IARS2: variants seen among roughly 807,000 people sequenced by gnomAD.
The protein encoded by IARS2 is isoleucyl-tRNA synthetase 2, mitochondrial.
A neutral mutation model predicts 126.3 loss-of-function variants in IARS2; 56 were observed. The ratio of observed to expected loss-of-function variants is 0.44; its 90% CI spans 0.36 to 0.55. The LOEUF is 0.55. Among genes scored for constraint, IARS2 ranks in the 20% least tolerant of loss-of-function variants. The probability of loss-of-function intolerance (pLI) is 0.00; values close to 1 mark genes in which losing one functional copy is unlikely to be tolerated. For missense variants in IARS2, 1,127 were observed against 1,245.9 expected (o/e 0.90, Z 1.44); for synonymous variants, 407 against 441.1 (o/e 0.92, Z 0.97).
intron 21 of IARS2, among the ~76,000 whole-genome samples, chr1:220,143,673 C>T (rs891002484): frequency 1.3e-5 from 2 of 152,118 alleles, no homozygotes; most frequent in Non-Finnish European, 2.9e-5. Flanking sequence ...AGATTCAAAA[C>T]AAACCCAAAA....
At chr1:220,122,890 T>G (rs989944393) in intron 12 of IARS2, among the ~76,000 whole-genome samples, 2 of 152,102 alleles carry the variant, frequency 1.3e-5, no homozygotes, top group African/African-American at 4.8e-5. Flanking sequence ...TTTTACTGTT[T>G]TATTTTACTC....
chr1:220,133,788 A>G (rs1437196531), intron 14 of IARS2, among the ~76,000 whole-genome samples: 1 of 152,172 alleles, frequency 6.6e-6, no homozygotes, highest in Non-Finnish European at 1.5e-5. Flanking sequence ...ATATATGTAG[A>G]GGAAAAGATG....
chr1:220,102,545 G>A lies in IARS2; in HGVS notation c.800G>A (p.Arg267His), dbSNP rs377432411. ...ELEYNPEHVS[R>H]SIYVKFPLLK... ...GAATATAATCCTGAGCATGTCAGTC[G>A]TTCAATATATGTAAAATTTCCTCTC... is the stretch of plus-strand genomic sequence containing the variant. Residue 267 changes from arginine to histidine, a missense_variant, in exon 6 of 23, where the codon CGT becomes CAT. Arg to His is a conservative substitution (Grantham distance 29, BLOSUM62 0). Transcript: ENST00000366922. 6.3e-5 allele frequency: 102 copies of A among 1,613,802 alleles called. No homozygotes were observed. The Admixed American group carries it at 1.1e-3, about 17-fold the overall frequency.
chr1:220,096,924 T>C (rs1375293346), intron 2 of IARS2, among the ~76,000 whole-genome samples: 13 of 151,942 alleles, frequency 8.6e-5, no homozygotes, highest in Admixed American at 8.5e-4. Context: ...CGGGAGCCTA[T>C]AGTCCCAGCT....
chr1:220,097,664 C>G (rs978159251), intron 2 of IARS2, among the ~76,000 whole-genome samples: 1 of 151,820 alleles, frequency 6.6e-6, no homozygotes, highest in African/African-American at 2.4e-5. Context: ...CGTCTGGCCC[C>G]CAATAATTCT....
chr1:220,113,908 A>T (rs1656862629), intron 11 of IARS2, among the ~76,000 whole-genome samples: 1 of 152,184 alleles, frequency 6.6e-6, no homozygotes, highest in Non-Finnish European at 1.5e-5. Flanking sequence ...TTTATTTTTT[A>T]AGCATTTTAA....
chr1:220,111,791 T>C lies in IARS2; in HGVS notation c.1479+854T>C, dbSNP rs569696575. ...TTGGGGTCCTTGCCAAAGCTTTTTA[T>C]AGCAGTTTATACTTTCTATACTTGT... On this transcript the variant is annotated intron_variant, in intron 11 of 22. Coordinates refer to ENST00000366922, the MANE Select transcript of IARS2 (RefSeq NM_018060.4). 2.6e-5 allele frequency among the ~76,000 whole-genome samples: 4 copies of C among 152,250 alleles called. No individual in the cohort carries two copies. In the South Asian group the frequency reaches 8.3e-4, roughly 32 times the overall value.
At chr1:220,133,402 C>T (rs1420112359) in intron 14 of IARS2, among the ~76,000 whole-genome samples, 1 of 152,160 alleles carries the variant, frequency 6.6e-6, no homozygotes, top group Non-Finnish European at 1.5e-5. Flanking sequence ...TAACACAATG[C>T]CTGCTATATA....
intron 10 of IARS2, among the ~76,000 whole-genome samples, chr1:220,108,719 A>G (rs1018480009): frequency 1.3e-5 from 2 of 151,598 alleles, no homozygotes; most frequent in African/African-American, 2.4e-5. Flanking sequence ...GGGTTTCACC[A>G]TGTTGGCCAG....
At position 220,094,465 on chromosome 1, in the gene IARS2, G is replaced by A. The variant is rs757189446; in HGVS notation, c.249G>A (p.Thr83=). The A allele has an allele frequency of 4.4e-6, 7 of 1,608,688 alleles. No individual in the cohort carries two copies. Among genetic ancestry groups the A allele is most frequent in the African/African-American group, 1.3e-5 (1 of 74,862 alleles). Residue 83 remains threonine, a synonymous_variant, in exon 1 of 23, where the codon ACG becomes ACA. Transcript: ENST00000366922. The part of the protein sequence containing the change: ...MKLLGRQQPD[T]ELEIQQKCGF... ...TGCTGGGCCGCCAGCAGCCGGACAC[G>A]GAGCTGGAGATCCAGCAGGTACGGG...
At chr1:220,134,609 T>A in intron 15 of IARS2, 99 bp downstream of exon 15, 1 of 609,936 alleles carries the variant, frequency 1.6e-6, no homozygotes, top group Non-Finnish European at 2.7e-6. Context: ...TCTTGATTGC[T>A]TACAGTGTCC....
chr1:220,145,133 A>G (rs555676371), intron 21 of IARS2, among the ~76,000 whole-genome samples: 1 of 151,056 alleles, frequency 6.6e-6, no homozygotes, highest in Admixed American at 6.6e-5. Flanking sequence ...CTTGACCTGC[A>G]GTTCCACCAC....
chr1:220,102,063 G>C (rs371117062), intron 3 of IARS2, 66 bp from the exon 4 acceptor site: 20 of 1,458,110 alleles, frequency 1.4e-5, no homozygotes, highest in African/African-American at 8.5e-5. Context: ...AGAGATACAT[G>C]CTAAACCATG....
intron 11 of IARS2, among the ~76,000 whole-genome samples, chr1:220,113,225 C>T (rs1043565469): frequency 1.3e-5 from 2 of 152,114 alleles, no homozygotes; most frequent in Admixed American, 1.3e-4. Context: ...AATAGTTATT[C>T]CTTAGCAAAA....
Position 220,130,600 on chromosome 1 carries a change from C to T in IARS2, c.1837+3757C>T, listed in dbSNP as rs1571859603. Among the ~76,000 whole-genome samples the T allele has an allele frequency of 6.6e-5, 10 of 152,240 alleles. 1 individual carries two copies. The highest frequency in any genetic ancestry group is 3.9e-4 in the East Asian group (2 of 5,174). ...TGAGACAGAGTCTCGCTCTGTCGCC[C>T]AGGCTGGAGTGCAGTGGCACGATCT... On this transcript the variant is annotated intron_variant, in intron 14 of 22. Transcript: ENST00000366922.
chr1:220,100,636 A>C lies in IARS2; in HGVS notation c.537A>C (p.Glu179Asp), dbSNP rs1374893539. 6.2e-6 allele frequency: 10 copies of C among 1,606,482 alleles called. No individual in the cohort carries two copies. Among genetic ancestry groups the C allele is most frequent in the South Asian group, 3.3e-5 (3 of 90,218 alleles). Reference sequence around the variant, plus strand: ...AAGCTCAGAATCTTTCAGCTATGGAAATTAGAAAGAAAGGTAAATAATCTG... The same window carrying C: ...AAGCTCAGAATCTTTCAGCTATGGACATTAGAAAGAAAGGTAAATAATCTG... Reference protein sequence around the residue: ...GREAQNLSAMEIRKKARSFAK... With the variant: ...GREAQNLSAMDIRKKARSFAK... The change falls in exon 3 of 23, where the codon GAA (glutamate) becomes GAC (aspartate). Residue 179 changes from glutamate (E) to aspartate (D), a missense_variant. Coordinates refer to ENST00000366922, the MANE Select transcript of IARS2 (RefSeq NM_018060.4).
rs751965967 is a variant in IARS2, at chr1:220,137,994, T to G, written c.2126T>G (p.Val709Gly). ...GCTGATTCCAATGTCTTCACCGAAG[T>G]TGCAATTGGCCCATCCGTGCTCAAT... is the stretch of plus-strand genomic sequence containing the variant. The part of the protein sequence containing the change: ...WVADSNVFTE[V>G]AIGPSVLNAA... Residue 709 changes from valine to glycine, a missense_variant, in exon 17 of 23, where the codon GTT (valine) becomes GGT (glycine). Transcript: ENST00000366922. The G allele has an allele frequency of 1.2e-6, 2 of 1,614,160 alleles. No homozygotes were observed. The highest frequency in any genetic ancestry group is 1.7e-6 in the Non-Finnish European group (2 of 1,180,014).
chr1:220,120,082 CTTTTT>C (rs1395868643), intron 12 of IARS2, among the ~76,000 whole-genome samples: 3 of 139,128 alleles, frequency 2.2e-5, no homozygotes, highest in South Asian at 2.3e-4. Context: ...CTCTGTCACA[CTTTTT>C]TTTTTTTTTT....
At chr1:220,110,012 C>T (rs569135797) in intron 10 of IARS2, among the ~76,000 whole-genome samples, 3 of 152,286 alleles carry the variant, frequency 2.0e-5, no homozygotes, top group African/African-American at 4.8e-5. Flanking sequence ...CCAGGAGAAT[C>T]CCAGAGCACG....
Sources: gnomAD v4.1 joint callset for allele counts (sites outside exome capture counted in the v4.1 genomes callset) on GRCh38, gnomAD v4.1.1 for gene constraint, MANE v1.5 for transcripts, NCBI Gene and HGNC (gene_info 2026-07-23, HGNC 2026-07-21) for gene names.